PPHLN1: variants seen among roughly 807,000 people sequenced by gnomAD.
PPHLN1 encodes the protein periphilin 1, also known as periphilin-1.
Under a neutral mutation model 51.3 loss-of-function variants are expected in PPHLN1, and 29 were observed. The observed-to-expected ratio is 0.57, with a 90% CI of 0.42 to 0.77. The LOEUF (loss-of-function observed/expected upper bound fraction) is 0.77. PPHLN1 is among the 30% of genes least tolerant of loss of function. The pLI, the probability that PPHLN1 is intolerant of heterozygous loss-of-function variation, is 0.00. For missense variants in PPHLN1, 436 were observed against 438.4 expected (o/e 0.99, Z 0.05); for synonymous variants, 147 against 147.8 (o/e 0.99, Z 0.04).
chr12:42,440,944 T>C (rs2082893967), intron 9 of PPHLN1, among the ~76,000 whole-genome samples: 1 of 152,232 alleles, frequency 6.6e-6, no homozygotes, highest in Non-Finnish European at 1.5e-5. Flanking sequence ...GCTCAGAAAC[T>C]TTTTTCTTCC....
In PPHLN1 at chr12:42,441,666, T is replaced by A; in HGVS notation, c.*157T>A. The A allele has an allele frequency of 1.6e-6, 2 of 1,275,646 alleles. No homozygotes were observed. The highest frequency in any genetic ancestry group is 2.0e-6 in the Non-Finnish European group (2 of 997,238). The allele number at this position is 1,275,646 out of a possible 1,614,324, so 79.0% of individuals were successfully genotyped here. A position where few individuals can be genotyped will look rare whatever the true frequency, so the allele number is the denominator to read the frequency against. On this transcript the variant is annotated 3_prime_UTR_variant, in exon 10 of 10. Transcript: ENST00000358314. Reference sequence around the variant, plus strand: ...TATTAAATAAACATCTAAAATAGTCTGTTTAAAATGTTTGATTCAAATTTT... The same window carrying A: ...TATTAAATAAACATCTAAAATAGTCAGTTTAAAATGTTTGATTCAAATTTT...
chr12:42,442,958 G>T, downstream of PPHLN1: 2 of 610,304 alleles, frequency 3.3e-6, no homozygotes, highest in Non-Finnish European at 2.6e-6. Flanking sequence ...AAGAAGGCAC[G>T]CTGGACCTAG....
intron 2 of PPHLN1, among the ~76,000 whole-genome samples, chr12:42,349,835 C>A (rs1166683345): frequency 6.6e-6 from 1 of 152,216 alleles, no homozygotes; most frequent in East Asian, 1.9e-4. Context: ...ACAATCTGAT[C>A]TCTCTTTCTT....
intron 9 of PPHLN1, among the ~76,000 whole-genome samples, chr12:42,407,365 T>C (rs2079405865): frequency 6.6e-6 from 1 of 152,204 alleles, no homozygotes; most frequent in Admixed American, 6.5e-5. Context: ...TGGCAGAAGA[T>C]TTTGGTTCCT....
intron 9 of PPHLN1, among the ~76,000 whole-genome samples, chr12:42,434,973 G>T (rs569336365): frequency 6.6e-6 from 1 of 152,234 alleles, no homozygotes; most frequent in Non-Finnish European, 1.5e-5. Context: ...GATTACAGGC[G>T]TGAGCCACCG....
At chr12:42,331,071 C>T (rs547567455) in intron 1 of PPHLN1, among the ~76,000 whole-genome samples, 19 of 152,274 alleles carry the variant, frequency 1.2e-4, no homozygotes, top group African/African-American at 3.9e-4. Flanking sequence ...AGTAACAGTC[C>T]GATCTCTCTT....
At chr12:42,414,388 A>G (rs2080178422) in intron 9 of PPHLN1, among the ~76,000 whole-genome samples, 1 of 152,150 alleles carries the variant, frequency 6.6e-6, no homozygotes, top group Admixed American at 6.5e-5. Flanking sequence ...TTTTGGCAGT[A>G]TGGTCCTTTT....
At chr12:42,345,257 T>A (rs1253173842) in intron 2 of PPHLN1, among the ~76,000 whole-genome samples, 1 of 152,032 alleles carries the variant, frequency 6.6e-6, no homozygotes, top group Non-Finnish European at 1.5e-5. Flanking sequence ...ACTTAGAGGG[T>A]CTTGTAGTAG....
intron 9 of PPHLN1, among the ~76,000 whole-genome samples, chr12:42,408,938 C>T (rs1175067145): frequency 2.0e-5 from 3 of 152,084 alleles, no homozygotes; most frequent in African/African-American, 7.2e-5. Flanking sequence ...TCTGAAACCA[C>T]AGATAATACT....
intron 7 of PPHLN1, among the ~76,000 whole-genome samples, chr12:42,392,527 T>C (rs571960539): frequency 1.3e-5 from 2 of 152,264 alleles, no homozygotes; most frequent in African/African-American, 4.8e-5. Context: ...GAGATGGTTA[T>C]GCAACTAAGC....
chr12:42,341,770 T>C (rs61924354), intron 2 of PPHLN1, among the ~76,000 whole-genome samples: 24,646 of 152,018 alleles, frequency 0.16, 2,051 homozygotes, highest in Admixed American at 0.2. Flanking sequence ...TATAGGCACC[T>C]GCCACCACGC....
intron 2 of PPHLN1, among the ~76,000 whole-genome samples, chr12:42,339,703 G>A (rs2071192388): frequency 6.6e-6 from 1 of 152,156 alleles, no homozygotes; most frequent in Non-Finnish European, 1.5e-5. Flanking sequence ...TAGTTCTTTA[G>A]TAGGTCATTA....
At chr12:42,380,913 A>G (rs1223948417) in intron 5 of PPHLN1, among the ~76,000 whole-genome samples, 1 of 152,178 alleles carries the variant, frequency 6.6e-6, no homozygotes, top group Non-Finnish European at 1.5e-5. Flanking sequence ...TTGAACATAA[A>G]TTGTTTGCCA....
intron 4 of PPHLN1, among the ~76,000 whole-genome samples, chr12:42,360,601 T>C (rs1385788737): frequency 7.3e-5 from 11 of 151,146 alleles, no homozygotes; most frequent in Non-Finnish European, 1.6e-4. Flanking sequence ...ATTCAAGTGA[T>C]TCCCCTGCCT....
Position 42,335,890 on chromosome 12 carries a change from CAGAAGAGA to C in PPHLN1, c.-12_-5del. ...TCTTTTTTTTTTCTTTAGTGGCTTA[CAGAAGAGA>C]CGAAATGTGGTCTGAGGGACGATAT... On this transcript the variant is annotated 5_prime_UTR_variant, in exon 2 of 10. Coordinates refer to ENST00000358314, the MANE Select transcript of PPHLN1 (RefSeq NM_201439.2). 4 of 1,538,940 alleles carry C rather than the reference CAGAAGAGA, an allele frequency of 2.6e-6. No individual in the cohort carries two copies. The highest frequency in any genetic ancestry group is 3.5e-6 in the Non-Finnish European group (4 of 1,139,886).
chr12:42,343,601 T>C (rs2071810894), intron 2 of PPHLN1, among the ~76,000 whole-genome samples: 1 of 152,344 alleles, frequency 6.6e-6, no homozygotes, highest in Admixed American at 6.5e-5. Flanking sequence ...ATAGTTTTTT[T>C]TAATGGGAAA....
intron 1 of PPHLN1, among the ~76,000 whole-genome samples, chr12:42,328,990 G>A (rs1224258166): frequency 3.3e-5 from 5 of 151,816 alleles, no homozygotes; most frequent in African/African-American, 9.7e-5. Flanking sequence ...GTGGGATTAC[G>A]GGCATGAGCC....
intron 1 of PPHLN1, among the ~76,000 whole-genome samples, chr12:42,330,296 C>G (rs931579689): frequency 6.6e-6 from 1 of 152,178 alleles, no homozygotes; most frequent in African/African-American, 2.4e-5. Context: ...AGGCCTTCCT[C>G]TTACCTCAAC....
chr12:42,351,611 A>G, intron 2 of PPHLN1: 1 of 220,432 alleles, frequency 4.5e-6, no homozygotes, highest in South Asian at 1.4e-4. Context: ...TTTTACTAAA[A>G]TGATAATATT....
Sources: allele counts gnomAD v4.1 joint callset (sites outside exome capture counted in the v4.1 genomes callset), GRCh38; gene constraint gnomAD v4.1.1; transcripts MANE v1.5; gene names NCBI Gene and HGNC (gene_info 2026-07-23, HGNC 2026-07-21).